CD109: variants seen among roughly 807,000 people sequenced by gnomAD.
CD109 encodes CD109 molecule.
Under a neutral mutation model 165.8 loss-of-function variants are expected in CD109, and 149 were observed. The observed-to-expected ratio is 0.90, with a 90% CI of 0.79 to 1.03. The LOEUF is 1.03. Among genes scored for constraint, CD109 ranks in the 50% least tolerant of loss-of-function variants. CD109 has a pLI of 0.00. For missense variants in CD109, 1,712 were observed against 1,677.8 expected (o/e 1.02, Z -0.36); for synonymous variants, 585 against 592.1 (o/e 0.99, Z 0.18).
the CD109 span, among the ~76,000 whole-genome samples, chr6:73,683,696 G>T: frequency 6.9e-4 from 105 of 152,292 alleles, no homozygotes; most frequent in African/African-American, 2.4e-3. Flanking sequence ...ATTTACAAAA[G>T]AAAGAGGTTT....
At chr6:73,701,379 G>A (rs1771071464) in intron 2 of CD109, among the ~76,000 whole-genome samples, 1 of 152,126 alleles carries the variant, frequency 6.6e-6, no homozygotes, top group African/African-American at 2.4e-5. Flanking sequence ...AGTTCAGCAG[G>A]TAATAATTAC....
At chr6:73,684,878 CCTA>C in the CD109 span, among the ~76,000 whole-genome samples, 1 of 151,254 alleles carries the variant, frequency 6.6e-6, no homozygotes, top group African/African-American at 2.4e-5. Flanking sequence ...AGACAAAAGT[CCTA>C]CTATTTTGCC....
intron 2 of CD109, among the ~76,000 whole-genome samples, chr6:73,717,493 T>C (rs1246917615): frequency 1.3e-5 from 2 of 152,078 alleles, no homozygotes; most frequent in Non-Finnish European, 2.9e-5. Flanking sequence ...ATTTTTCACT[T>C]CTTTGATCAA....
Position 73,763,614 on chromosome 6 carries a change from C to G in CD109, c.1036C>G (p.Gln346Glu), listed in dbSNP as rs984038632. 6.3e-7 allele frequency: 1 copy of G among 1,593,126 alleles called. No homozygotes were observed. Among genetic ancestry groups the G allele is most frequent in the Non-Finnish European group, 8.6e-7 (1 of 1,168,084 alleles). Reference sequence around the variant, plus strand: ...TGTAAGCACTAATGTGTTCTTCAAGCAACATGATTACATCATTGAGTTTTT... The same window carrying G: ...TGTAAGCACTAATGTGTTCTTCAAGGAACATGATTACATCATTGAGTTTTT... The part of the protein sequence containing the change: ...RNVSTNVFFK[Q>E]HDYIIEFFDY... The change falls in exon 10 of 33, where the codon CAA becomes GAA. Residue 346 changes from glutamine (Q) to glutamate (E), a missense_variant. Gln to Glu is a conservative substitution (Grantham distance 29). Transcript: ENST00000287097.
chr6:73,717,552 T>G (rs1666125123), intron 2 of CD109, among the ~76,000 whole-genome samples: 2 of 151,902 alleles, frequency 1.3e-5, no homozygotes, highest in Non-Finnish European at 2.9e-5. Context: ...TAAATGGGAT[T>G]ACTTTCTTGA....
In CD109 at chr6:73,791,152, T is replaced by C. The variant is rs377466534; in HGVS notation, c.2702-1474T>C. ...ACATACATACATATATATATATATATATATATATATATATATATATATATA... is the reference window on the plus strand; with the variant it reads ...ACATACATACATATATATATATATACATATATATATATATATATATATATA... On this transcript the variant is annotated intron_variant, in intron 22 of 32. Transcript: ENST00000287097. 1.7e-3 allele frequency among the ~76,000 whole-genome samples: 98 copies of C among 58,330 alleles called. 3 individuals are homozygous for C. Among genetic ancestry groups the C allele is most frequent in the Middle Eastern group, 0.017 (2 of 118 alleles). The allele number at this position is 58,330 out of a possible 152,430, so 38.3% of individuals were successfully genotyped here.
chr6:73,781,501 G>A (rs567628113), intron 17 of CD109, among the ~76,000 whole-genome samples, 182 bp downstream of exon 17: 4 of 152,164 alleles, frequency 2.6e-5, no homozygotes, highest in South Asian at 4.2e-4. Context: ...GACATGGAAC[G>A]TTCATCTGAG....
Position 73,697,506 on chromosome 6 carries a change from G to T in CD109, c.181G>T (p.Glu61Ter). Residue 61 changes from glutamate (E) to a stop codon, truncating the protein, a stop_gained, in exon 2 of 33, where the codon GAG becomes TAG. Coordinates refer to ENST00000287097, the MANE Select transcript of CD109 (RefSeq NM_133493.5). LOFTEE classifies it high-confidence loss of function. ...HCPSQVTVKA[E>*]LLKTASNLTV... ...CCCTTCACAGGTGACTGTGAAGGCG[G>T]AGCTGCTCAAGACAGCATCAAACCT... The T allele has an allele frequency of 2.5e-6, 4 of 1,614,142 alleles. No individual in the cohort carries two copies. The highest frequency in any genetic ancestry group is 3.4e-6 in the Non-Finnish European group (4 of 1,180,004).
chr6:73,780,613 G>A (rs1207066929), intron 16 of CD109, 115 bp downstream of exon 16: 10 of 686,130 alleles, frequency 1.5e-5, no homozygotes, highest in East Asian at 2.7e-5. Context: ...TCACTGAAGC[G>A]CAGTCTTATG....
At chr6:73,822,297 T>C (rs567823078) in intron 32 of CD109, among the ~76,000 whole-genome samples, 1 of 152,338 alleles carries the variant, frequency 6.6e-6, no homozygotes, top group South Asian at 2.1e-4. Flanking sequence ...ATGAGAAGCA[T>C]GAACATTTTT....
At chr6:73,797,029 C>T (rs1056723649) in intron 23 of CD109, among the ~76,000 whole-genome samples, 5 of 152,134 alleles carry the variant, frequency 3.3e-5, no homozygotes, top group African/African-American at 1.2e-4. Context: ...TGCCAAAGTC[C>T]TTTAAATATA....
At chr6:73,798,861 G>A (rs976974229) in intron 23 of CD109, among the ~76,000 whole-genome samples, 6 of 152,106 alleles carry the variant, frequency 3.9e-5, no homozygotes, top group African/African-American at 1.4e-4. Flanking sequence ...GTGATCTGGG[G>A]GTGTGGAGGC....
At chr6:73,770,304 A>G (rs2150234143) in intron 14 of CD109, among the ~76,000 whole-genome samples, 1 of 152,374 alleles carries the variant, frequency 6.6e-6, no homozygotes, top group East Asian at 1.9e-4. Context: ...AAATGCTCTA[A>G]GAAAAGGGAG....
At chr6:73,784,602 A>G (rs1774621701) in intron 19 of CD109, among the ~76,000 whole-genome samples, 3 of 152,204 alleles carry the variant, frequency 2.0e-5, no homozygotes, top group African/African-American at 7.2e-5. Context: ...AAATGTGCAG[A>G]TAAACTCTAG....
chr6:73,813,477 A>G (rs190106238), intron 29 of CD109, among the ~76,000 whole-genome samples: 3 of 152,252 alleles, frequency 2.0e-5, no homozygotes, highest in South Asian at 2.1e-4. Flanking sequence ...CAGAATGTTC[A>G]TCAATCCCAT....
chr6:73,772,365 C>T (rs564587041), intron 15 of CD109, among the ~76,000 whole-genome samples: 48 of 151,772 alleles, frequency 3.2e-4, no homozygotes, highest in African/African-American at 1.1e-3. Flanking sequence ...ATTAGCCGGG[C>T]GCGGTGGCGG....
chr6:73,806,283 G>A (rs371958538), intron 24 of CD109, among the ~76,000 whole-genome samples: 88 of 150,304 alleles, frequency 5.9e-4, no homozygotes, highest in Non-Finnish European at 1.1e-3. Flanking sequence ...AACACCACAT[G>A]TTCTCACTCA....
rs754220225 is a variant in CD109, at chr6:73,782,612, A to C, written c.1964-2A>C. 14 of 1,610,772 alleles carry C rather than the reference A, an allele frequency of 8.7e-6. No homozygotes were observed. The highest frequency in any genetic ancestry group is 6.7e-5 in the Admixed American group (4 of 59,790). Reference sequence around the variant, plus strand: ...CTAACTACTGTCAATGTTTATTTATAGATGACAATGCAGAATATGCTGAGA... The same window carrying C: ...CTAACTACTGTCAATGTTTATTTATCGATGACAATGCAGAATATGCTGAGA... On this transcript the variant is annotated splice_acceptor_variant, in intron 17 of 32. Transcript: ENST00000287097. LOFTEE classifies it high-confidence loss of function.
Position 73,730,424 on chromosome 6 carries a change from T to C in CD109, c.357T>C (p.Ser119=), listed in dbSNP as rs770102329. Reference sequence around the variant, plus strand: ...AGGATGAGATTTTATTCTCTAATAGTACCCGCTTATCATTTGAGACCAAGA... The same window carrying C: ...AGGATGAGATTTTATTCTCTAATAGCACCCGCTTATCATTTGAGACCAAGA... ...RTQDEILFSN[S]TRLSFETKRI... is the part of the protein sequence containing the mutation. The change falls in exon 4 of 33, where the codon AGT becomes AGC. Residue 119 remains serine (S), a synonymous_variant. Coordinates refer to ENST00000287097, the MANE Select transcript of CD109 (RefSeq NM_133493.5). The C allele has an allele frequency of 1.7e-5, 28 of 1,613,810 alleles. No individual in the cohort carries two copies. In the East Asian group the frequency reaches 6.2e-4, roughly 36 times the overall value.
Sources: gnomAD v4.1 joint callset for allele counts (sites outside exome capture counted in the v4.1 genomes callset) on GRCh38, gnomAD v4.1.1 for gene constraint, MANE v1.5 for transcripts, NCBI Gene and HGNC (gene_info 2026-07-23, HGNC 2026-07-21) for gene names.